Variants in LZTR1 observed in about 807,000 individuals in gnomAD.
The protein encoded by LZTR1 is leucine zipper like post translational regulator 1, also known as leucine-zipper-like transcriptional regulator 1.
In LZTR1, 260 loss-of-function variants were observed where a neutral mutation model predicts 105.7. The ratio of observed to expected loss-of-function variants is 2.46; its 90% CI spans 2.22 to 2.72. LZTR1 has a LOEUF of 2.72. Ranked by LOEUF, LZTR1 falls within the 30% of genes most tolerant of loss-of-function variation. The pLI is 0.00. For missense variants in LZTR1, 1,214 were observed against 1,166.9 expected (o/e 1.04, Z -0.59); for synonymous variants, 490 against 476.4 (o/e 1.03, Z -0.37).
rs764624388 is a variant in LZTR1, at chr22:20,988,817, G to A, written c.538G>A (p.Ala180Thr). 1 of 1,614,126 alleles carries A rather than the reference G, an allele frequency of 6.2e-7. No homozygotes were observed. The highest frequency in any genetic ancestry group is 1.7e-5 in the Admixed American group (1 of 60,032). ...RLPVARSAHGATVYSDKLWIF... is the reference protein window; with the variant it reads ...RLPVARSAHGTTVYSDKLWIF... The stretch of plus-strand genomic sequence containing the variant: ...GCCAGTCGCTAGGTCAGCCCATGGG[G>A]CCACGGTGTACAGTGACAAGCTGTG... Residue 180 changes from alanine (A) to threonine (T), a missense_variant, in exon 6 of 21, where the codon GCC becomes ACC. Ala to Thr is a moderately conservative substitution (Grantham distance 58, BLOSUM62 0). Transcript: ENST00000646124.
At chr22:20,994,825 G>T (rs755990111) in intron 15 of LZTR1, 45 bp from the exon 16 acceptor site, 2 of 1,610,980 alleles carry the variant, frequency 1.2e-6, no homozygotes, top group South Asian at 2.2e-5. Flanking sequence ...CCAGCCTGGG[G>T]CCCTGGCTTG....
Position 20,991,709 on chromosome 22 carries a change from C to A in LZTR1, c.873C>A (p.Ala291=). The A allele has an allele frequency of 6.3e-7, 1 of 1,593,002 alleles. No individual in the cohort carries two copies. The highest frequency in any genetic ancestry group is 1.1e-5 in the South Asian group (1 of 87,862). The part of the protein sequence containing the change: ...PQRRYGHTMV[A]FDRHLYVFGG... ...GGCGCTACGGGCATACCATGGTGGCCTTTGACCGCCACCTCTATGTGTTTG... is the reference window on the plus strand; with the variant it reads ...GGCGCTACGGGCATACCATGGTGGCATTTGACCGCCACCTCTATGTGTTTG... The change falls in exon 9 of 21, where the codon GCC becomes GCA. Residue 291 remains alanine, a synonymous_variant. Transcript: ENST00000646124.
chr22:20,991,877 C>T (rs1303265674), intron 9 of LZTR1, 48 bp downstream of exon 9: 2 of 1,485,024 alleles, frequency 1.3e-6, no homozygotes, highest in Non-Finnish European at 1.8e-6. Flanking sequence ...ACACCAGTAG[C>T]TCCTACCCTG....
chr22:20,991,947 C>T (rs1235918420), intron 9 of LZTR1, 118 bp downstream of exon 9: 3 of 1,008,112 alleles, frequency 3.0e-6, no homozygotes, highest in Non-Finnish European at 4.3e-6. Context: ...CTACCAGGAG[C>T]AAGGCCAGGA....
At chr22:20,994,506 G>A (rs1348980437) in intron 14 of LZTR1, 52 bp from the exon 15 acceptor site, 12 of 1,580,472 alleles carry the variant, frequency 7.6e-6, no homozygotes, top group Non-Finnish European at 1.0e-5. Context: ...TGCGCCCTGT[G>A]CCCTGCCCTC....
intron 8 of LZTR1, 131 bp downstream of exon 8, chr22:20,990,656 T>A: frequency 1.0e-6 from 1 of 986,038 alleles, no homozygotes; most frequent in Non-Finnish European, 1.5e-6. Flanking sequence ...AGCAGGAGGT[T>A]ACAGCCCGGA....
intron 2 of LZTR1, among the ~76,000 whole-genome samples, chr22:20,984,593 G>T (rs970502690): frequency 1.7e-5 from 2 of 117,028 alleles, no homozygotes; most frequent in African/African-American, 3.1e-5. Context: ...GGCCTCCTGC[G>T]GCACGTGGGG....
rs1263566071 is a variant in LZTR1 at position 20,996,802 on chromosome 22, G to C, written c.2325+1G>C. On this transcript the variant is annotated splice_donor_variant, in intron 19 of 20. Transcript: ENST00000646124. LOFTEE classifies it high-confidence loss of function. ...CGTGACGGTGCAGAACGTGCTGCAG[G>C]TAGCCCCCCAGCCCCGTGCACATGG... The C allele has an allele frequency of 6.2e-7, 1 of 1,613,594 alleles. No individual in the cohort carries two copies. The highest frequency in any genetic ancestry group is 8.5e-7 in the Non-Finnish European group (1 of 1,179,952).
Position 20,991,826 on chromosome 22 carries a change from CGA to C in LZTR1, c.992_993del (p.Glu331GlyfsTer5). Reference protein sequence around the residue: ...WEVVQPSSDSEVGGAEVPERA... With the variant: ...WEVVQPSSDSXVGGAEVPERA... ...AGGTCGTCCAGCCCAGCTCCGACAG[CGA>C]GGTGAGGGTGCCCAGGGGTGTCCTG... is the stretch of plus-strand genomic sequence containing the variant. On this transcript the variant is annotated frameshift_variant and splice_region_variant, in exon 9 of 21. Coordinates refer to ENST00000646124, the MANE Select transcript of LZTR1 (RefSeq NM_006767.4). LOFTEE classifies it high-confidence loss of function. 1 of 1,548,674 alleles carries C rather than the reference CGA, an allele frequency of 6.5e-7. No individual in the cohort carries two copies. The highest frequency in any genetic ancestry group is 1.2e-5 in the South Asian group (1 of 83,970).
chr22:20,997,459 C>G lies in LZTR1; in HGVS notation c.*111C>G. 1.2e-6 allele frequency: 1 copy of G among 860,186 alleles called. No homozygotes were observed. The highest frequency in any genetic ancestry group is 1.5e-5 in the South Asian group (1 of 68,144). The allele number at this position is 860,186 out of a possible 1,614,324, so 53.3% of individuals were successfully genotyped here. The stretch of plus-strand genomic sequence containing the variant: ...ATGGCAGTGGGTGCACCTGCCAGGC[C>G]AAGGGTCAGGGTGCCCAGAGCCTCC... On this transcript the variant is annotated 3_prime_UTR_variant, in exon 21 of 21. Transcript: ENST00000646124.
At chr22:20,982,966 A>T in intron 1 of LZTR1, 61 bp from the exon 2 acceptor site, 1 of 1,444,426 alleles carries the variant, frequency 6.9e-7, no homozygotes, top group Non-Finnish European at 9.7e-7. Context: ...GCTTAGTCCC[A>T]TTCCTTGGGT....
chr22:20,992,946 AT>A, intron 11 of LZTR1, 42 bp downstream of exon 11: 1 of 1,350,036 alleles, frequency 7.4e-7, no homozygotes, highest in South Asian at 1.3e-5. Flanking sequence ...GGGTGGACGG[AT>A]CCCCCGTGAT....
At chr22:20,994,847 C>CTG (rs1924768334) in intron 15 of LZTR1, 23 bp from the exon 16 acceptor site, 1 of 1,612,214 alleles carries the variant, frequency 6.2e-7, no homozygotes, top group Non-Finnish European at 8.5e-7. Context: ...CTCTGCCTGC[C>CTG]TGCCTGTGCC....
rs1355678924 is a variant in LZTR1 at position 20,982,465 on chromosome 22, C to T, written c.94C>T (p.His32Tyr). Residue 32 changes from histidine (H) to tyrosine (Y), a missense_variant, in exon 1 of 21, where the codon CAT becomes TAT. Physicochemically the swap from His to Tyr is moderately conservative, Grantham distance 83. Transcript: ENST00000646124. ...SKVAPSVDFD[H>Y]SCSDSVEYLT... ...GGTAGCCCCGAGCGTGGACTTCGAC[C>T]ATAGCTGCTCGGACAGTGTCGAGTA... 6.2e-7 allele frequency: 1 copy of T among 1,607,980 alleles called. No individual in the cohort carries two copies. The highest frequency in any genetic ancestry group is 8.5e-7 in the Non-Finnish European group (1 of 1,177,436).
In LZTR1 at chr22:20,988,793, C is replaced by T. The variant is rs770709361; in HGVS notation, c.514C>T (p.Pro172Ser). The change falls in exon 6 of 21, where the codon CCA becomes TCA. Residue 172 changes from proline to serine, a missense_variant. Pro to Ser is a moderately conservative substitution (Grantham distance 74). Coordinates refer to ENST00000646124, the MANE Select transcript of LZTR1 (RefSeq NM_006767.4). ...WTEWKIEGRLPVARSAHGATV... is the reference protein window; with the variant it reads ...WTEWKIEGRLSVARSAHGATV... ...CCCTCTTCCCTCACACTCCAGGTTGCCAGTCGCTAGGTCAGCCCATGGGGC... is the reference window on the plus strand; with the variant it reads ...CCCTCTTCCCTCACACTCCAGGTTGTCAGTCGCTAGGTCAGCCCATGGGGC... 1.2e-6 allele frequency: 2 copies of T among 1,613,666 alleles called. No homozygotes were observed. The highest frequency in any genetic ancestry group is 8.5e-7 in the Non-Finnish European group (1 of 1,179,640).
At chr22:20,996,182 G>A in intron 18 of LZTR1, 70 bp downstream of exon 18, 1 of 1,537,026 alleles carries the variant, frequency 6.5e-7, no homozygotes, top group South Asian at 1.2e-5. Context: ...AGGTGGCTTT[G>A]AGGCCCGCTC....
rs769240961 is a variant in LZTR1, at chr22:20,995,797, A to C, written c.1994A>C (p.Glu665Ala). 1 of 1,613,302 alleles carries C rather than the reference A, an allele frequency of 6.2e-7. No homozygotes were observed. Among genetic ancestry groups the C allele is most frequent in the East Asian group, 2.2e-5 (1 of 44,856 alleles). Residue 665 changes from glutamate (E) to alanine (A), a missense_variant, in exon 17 of 21, where the codon GAA becomes GCA. By Grantham distance (107) the Glu-to-Ala change is moderately radical. Transcript: ENST00000646124. ...GCATACCTGGAGGGAGCGGGCGCGG[A>C]ATTCTGTGACATCACTCTGTTGCTT... ...MKAYLEGAGA[E>A]FCDITLLLDG...
intron 16 of LZTR1, 148 bp from the exon 17 acceptor site, chr22:20,995,598 G>T (rs1924805742): frequency 1.3e-5 from 13 of 965,838 alleles, no homozygotes; most frequent in Non-Finnish European, 3.2e-6. Context: ...GAATGTGGCT[G>T]ATGGTACCTC....
intron 5 of LZTR1, 67 bp from the exon 6 acceptor site, chr22:20,988,722 A>G (rs1346922906): frequency 4.1e-6 from 5 of 1,205,188 alleles, no homozygotes; most frequent in Non-Finnish European, 6.2e-6. Context: ...CACTGACCAC[A>G]TGGGGCTGGG....
Sources: allele counts gnomAD v4.1 joint callset (sites outside exome capture counted in the v4.1 genomes callset), GRCh38; gene constraint gnomAD v4.1.1; transcripts MANE v1.5; gene names NCBI Gene and HGNC (gene_info 2026-07-23, HGNC 2026-07-21).